The following UBE2E2 variants were observed in gnomAD, a reference collection of about 807,000 sequenced individuals.
The protein encoded by UBE2E2 is ubiquitin-conjugating enzyme E2 E2.
A neutral mutation model predicts 24.7 loss-of-function variants in UBE2E2; 6 were observed. That is an observed-to-expected ratio of 0.24 (90% CI 0.13 to 0.48). The LOEUF (loss-of-function observed/expected upper bound fraction) is 0.48, where lower values mean the gene tolerates loss of function less well. UBE2E2 is among the 20% of genes least tolerant of loss of function. UBE2E2 has a pLI of 0.99. For synonymous variants in UBE2E2, 104 were observed against 83.6 expected, an observed-to-expected ratio of 1.24 and a Z score of -1.33; for missense variants, 169 against 245.0, an observed-to-expected ratio of 0.69 and a Z score of 2.07.
At position 23,366,590 on chromosome 3, in the gene UBE2E2, G is replaced by C. The variant is rs769563198; in HGVS notation, c.228-133018G>C. On this transcript the variant is annotated intron_variant, in intron 3 of 5. Coordinates refer to ENST00000396703, the MANE Select transcript of UBE2E2 (RefSeq NM_152653.4). ...TTGAGTACACATGCACACAAATAAG[G>C]GTACAACAGACACCAGAGCCTCCTA... 2.6e-4 allele frequency among the ~76,000 whole-genome samples: 39 copies of C among 152,188 alleles called. No homozygotes were observed. The Middle Eastern group carries it at 0.01, about 40-fold the overall frequency.
At chr3:23,402,841 G>A (rs1042030176) in intron 3 of UBE2E2, among the ~76,000 whole-genome samples, 3 of 152,188 alleles carry the variant, frequency 2.0e-5, no homozygotes, top group Non-Finnish European at 2.9e-5. Context: ...CTTAGGAAAA[G>A]TCTATGGCTT....
intron 3 of UBE2E2, among the ~76,000 whole-genome samples, chr3:23,381,493 A>G (rs894118417): frequency 5.9e-5 from 9 of 152,180 alleles, no homozygotes; most frequent in African/African-American, 1.9e-4. Context: ...TGTTTAGGAA[A>G]AAGCACTCTA....
chr3:23,568,792 G>A (rs1040706258), intron 5 of UBE2E2, among the ~76,000 whole-genome samples: 6 of 149,364 alleles, frequency 4.0e-5, no homozygotes, highest in African/African-American at 1.5e-4. Flanking sequence ...GGTGGGTATA[G>A]ACTAATGCAG....
intron 4 of UBE2E2, among the ~76,000 whole-genome samples, chr3:23,527,944 T>C (rs1255627897): frequency 2.0e-5 from 3 of 152,124 alleles, no homozygotes; most frequent in Non-Finnish European, 4.4e-5. Flanking sequence ...CATTTATGGA[T>C]TGTGTGAACT....
intron 4 of UBE2E2, among the ~76,000 whole-genome samples, chr3:23,512,717 G>A (rs147361059): frequency 4.6e-5 from 7 of 152,254 alleles, no homozygotes; most frequent in African/African-American, 1.7e-4. Flanking sequence ...GGCCAAGACG[G>A]CCAGATCACC....
intron 3 of UBE2E2, among the ~76,000 whole-genome samples, chr3:23,390,290 A>G (rs992893687): frequency 3.9e-5 from 6 of 152,048 alleles, no homozygotes; most frequent in African/African-American, 7.2e-5. Flanking sequence ...TCCTGTACCC[A>G]TATTAACCCC....
chr3:23,462,727 T>C (rs1458784280), intron 3 of UBE2E2, among the ~76,000 whole-genome samples: 1 of 152,124 alleles, frequency 6.6e-6, no homozygotes, highest in African/African-American at 2.4e-5. Flanking sequence ...GTCTCATCTT[T>C]TGCATCCCTC....
chr3:23,570,994 A>G (rs531927550), intron 5 of UBE2E2, among the ~76,000 whole-genome samples: 6 of 152,266 alleles, frequency 3.9e-5, no homozygotes, highest in Admixed American at 2.0e-4. Context: ...TCAAGTTGCC[A>G]ACATAACTCT....
intron 3 of UBE2E2, among the ~76,000 whole-genome samples, chr3:23,414,510 T>C (rs1220504967): frequency 1.3e-5 from 2 of 152,140 alleles, no homozygotes; most frequent in Non-Finnish European, 2.9e-5. Context: ...CCTCCAACAA[T>C]GGGGATTACA....
At chr3:23,549,472 G>A (rs113990012) in intron 5 of UBE2E2, among the ~76,000 whole-genome samples, 255 of 152,292 alleles carry the variant, frequency 1.7e-3, no homozygotes, top group African/African-American at 5.9e-3. Flanking sequence ...AAGTTATACT[G>A]AGTTTTGAAG....
At chr3:23,515,127 G>A (rs1333788541) in intron 4 of UBE2E2, among the ~76,000 whole-genome samples, 5 of 125,016 alleles carry the variant, frequency 4.0e-5, no homozygotes, top group Non-Finnish European at 9.0e-5. Context: ...TGGGGTGTGT[G>A]TGTGTGTGTG....
At chr3:23,206,239 T>C (rs1489311905) in intron 1 of UBE2E2, among the ~76,000 whole-genome samples, 1 of 152,196 alleles carries the variant, frequency 6.6e-6, no homozygotes, top group Non-Finnish European at 1.5e-5. Context: ...CTATCTGATA[T>C]GCCATTATGT....
intron 5 of UBE2E2, among the ~76,000 whole-genome samples, chr3:23,558,034 A>C (rs1004286315): frequency 6.6e-6 from 1 of 152,214 alleles, no homozygotes; most frequent in Non-Finnish European, 1.5e-5. Context: ...TTTTCTCTAG[A>C]GTGATATCCC....
chr3:23,380,557 A>G (rs1296259408), intron 3 of UBE2E2, among the ~76,000 whole-genome samples: 2 of 152,224 alleles, frequency 1.3e-5, no homozygotes, highest in South Asian at 2.1e-4. Context: ...TCCCTGCCCT[A>G]TACCTTCTGC....
At chr3:23,430,655 A>G (rs1698039575) in intron 3 of UBE2E2, among the ~76,000 whole-genome samples, 2 of 151,970 alleles carry the variant, frequency 1.3e-5, no homozygotes, top group Admixed American at 6.6e-5. Flanking sequence ...AGTAGCTAGG[A>G]CTACAGGCAT....
intron 3 of UBE2E2, among the ~76,000 whole-genome samples, chr3:23,297,537 G>C (rs1698946612): frequency 6.6e-6 from 1 of 152,200 alleles, no homozygotes; most frequent in Admixed American, 6.5e-5. Context: ...TGGGTAGCCA[G>C]TTTTCCCAGC....
rs1392832766 is a variant in UBE2E2, at chr3:23,411,525, A to G, written c.228-88083A>G. ...ACCTGTCTATCTTGGGTTATTGAGG[A>G]CCTCCTGAGAGGAGCGAGGAGGTTT... On this transcript the variant is annotated intron_variant, in intron 3 of 5. Coordinates refer to ENST00000396703, the MANE Select transcript of UBE2E2 (RefSeq NM_152653.4). Among the ~76,000 whole-genome samples the G allele has an allele frequency of 2.0e-5, 3 of 152,024 alleles. No individual in the cohort carries two copies. In the East Asian group the frequency reaches 5.8e-4, roughly 29 times the overall value.
In UBE2E2 at chr3:23,312,943, A is replaced by G. The variant is rs1226842832; in HGVS notation, c.227+95631A>G. Among the ~76,000 whole-genome samples, 5 of 152,172 alleles carry G rather than the reference A, an allele frequency of 3.3e-5. No individual in the cohort carries two copies. The South Asian group carries it at 6.2e-4, about 19-fold the overall frequency. On this transcript the variant is annotated intron_variant, in intron 3 of 5. Coordinates refer to ENST00000396703, the MANE Select transcript of UBE2E2 (RefSeq NM_152653.4). ...TGATTTCTAGTTTTACTCTATTGTCATCAGAGAAGATACCTGATACTATTT... is the reference window on the plus strand; with the variant it reads ...TGATTTCTAGTTTTACTCTATTGTCGTCAGAGAAGATACCTGATACTATTT...
At chr3:23,257,372 T>G (rs1006132777) in intron 3 of UBE2E2, among the ~76,000 whole-genome samples, 1 of 152,146 alleles carries the variant, frequency 6.6e-6, no homozygotes, top group Non-Finnish European at 1.5e-5. Flanking sequence ...CTTTCCTTCT[T>G]ATATTTCTGC....
Sources: gnomAD v4.1 joint callset for allele counts (sites outside exome capture counted in the v4.1 genomes callset) on GRCh38, gnomAD v4.1.1 for gene constraint, MANE v1.5 for transcripts, NCBI Gene and HGNC (gene_info 2026-07-23, HGNC 2026-07-21) for gene names.